The following KIF3B variants were observed in gnomAD, a reference collection of about 807,000 sequenced individuals.
KIF3B encodes kinesin family member 3B, also known as kinesin-like protein KIF3B.
Under a neutral mutation model 74.3 loss-of-function variants are expected in KIF3B, and 38 were observed. The ratio of observed to expected loss-of-function variants is 0.51; its 90% CI spans 0.39 to 0.67. The LOEUF (loss-of-function observed/expected upper bound fraction) is 0.67. KIF3B is among the 30% of genes least tolerant of loss of function. The pLI, the probability that KIF3B is intolerant of heterozygous loss-of-function variation, is 0.00. For synonymous variants in KIF3B, 326 were observed against 342.5 expected (o/e 0.95, Z 0.53); for missense variants, 649 against 932.0 (o/e 0.70, Z 3.95).
intron 1 of KIF3B, among the ~76,000 whole-genome samples, chr20:32,285,126 G>GAAAGA (rs2047661795): frequency 6.7e-6 from 1 of 148,806 alleles, no homozygotes; most frequent in African/African-American, 2.5e-5. Context: ...ACAGTGACTT[G>GAAAGA]AAAGAATGTT....
chr20:32,306,760 A>T (rs1177365499), intron 1 of KIF3B, among the ~76,000 whole-genome samples: 2 of 151,714 alleles, frequency 1.3e-5, no homozygotes, highest in Non-Finnish European at 2.9e-5. Context: ...ATGCCCAGCT[A>T]ATTTTTGTAT....
At chr20:32,312,383 G>A (rs1237539982) in intron 2 of KIF3B, among the ~76,000 whole-genome samples, 1 of 152,014 alleles carries the variant, frequency 6.6e-6, no homozygotes, top group Non-Finnish European at 1.5e-5. Flanking sequence ...GGGATTACAG[G>A]CGTGAGCCAC....
At chr20:32,291,622 T>A (rs2047691790) in intron 1 of KIF3B, among the ~76,000 whole-genome samples, 1 of 151,634 alleles carries the variant, frequency 6.6e-6, no homozygotes, top group Non-Finnish European at 1.5e-5. Context: ...TATACATTTT[T>A]TTTTTTTTTT....
chr20:32,292,966 A>G (rs1353318257), intron 1 of KIF3B, among the ~76,000 whole-genome samples: 2 of 152,008 alleles, frequency 1.3e-5, no homozygotes, highest in Non-Finnish European at 1.5e-5. Context: ...GATCAAAGAC[A>G]TTTTTTGGCT....
intron 1 of KIF3B, among the ~76,000 whole-genome samples, chr20:32,298,107 CA>C (rs140338606): frequency 0.016 from 1,704 of 105,272 alleles, 33 homozygotes; most frequent in East Asian, 0.094. Flanking sequence ...AACTCCGTCT[CA>C]AAAAAAAAAA....
At chr20:32,325,804 A>G (rs1454545529) in intron 5 of KIF3B, among the ~76,000 whole-genome samples, 1 of 150,878 alleles carries the variant, frequency 6.6e-6, no homozygotes, top group African/African-American at 2.4e-5. Flanking sequence ...AGTAGCTGGG[A>G]TTATAGGTGC....
chr20:32,322,792 A>T (rs1456904785), intron 5 of KIF3B, among the ~76,000 whole-genome samples: 2 of 60,744 alleles, frequency 3.3e-5, no homozygotes, highest in African/African-American at 1.7e-4. Flanking sequence ...ATATATATTT[A>T]TATATATATT....
rs1222690626 is a variant in KIF3B at position 32,277,731 on chromosome 20, C to CCGA, written c.-98_-97insACG. On this transcript the variant is annotated 5_prime_UTR_variant, in exon 1 of 9. Transcript: ENST00000375712. The stretch of plus-strand genomic sequence containing the variant: ...CCCGCCGCCGCCGCCGCCGCCGCCG[C>CCGA]CGCCGCCGCCGCCCGCTTTCGGCTC... 1 of 267,396 alleles carries CCGA rather than the reference C, an allele frequency of 3.7e-6. No homozygotes were observed. The highest frequency in any genetic ancestry group is 6.8e-6 in the Non-Finnish European group (1 of 147,710). 16.6% of individuals were successfully genotyped at this position (267,396 alleles called of 1,614,324 possible).
chr20:32,322,316 A>G (rs1218002330), intron 5 of KIF3B, among the ~76,000 whole-genome samples: 2 of 151,726 alleles, frequency 1.3e-5, no homozygotes, highest in Non-Finnish European at 2.9e-5. Context: ...TTACTAGTAT[A>G]TAAAAATACT....
At chr20:32,314,557 G>T (rs1402272530) in intron 2 of KIF3B, among the ~76,000 whole-genome samples, 1 of 151,640 alleles carries the variant, frequency 6.6e-6, no homozygotes, top group African/African-American at 2.4e-5. Context: ...AAAAAAGAAT[G>T]TTAGAGTGGT....
In KIF3B at chr20:32,327,646, A is replaced by T. The variant is rs1173094840; in HGVS notation, c.1953A>T (p.Pro651=). 6.2e-7 allele frequency: 1 copy of T among 1,613,140 alleles called. No homozygotes were observed. The highest frequency in any genetic ancestry group is 8.5e-7 in the Non-Finnish European group (1 of 1,179,506). The change falls in exon 7 of 9, where the codon CCA becomes CCT. Residue 651 remains proline, a synonymous_variant. Coordinates refer to ENST00000375712, the MANE Select transcript of KIF3B (RefSeq NM_004798.4). ...QHARMSMMIR[P]EARYRAENIV... is the part of the protein sequence containing the mutation. The stretch of plus-strand genomic sequence containing the variant: ...CAAGAATGTCCATGATGATTCGTCC[A>T]GAGGCCCGATATAGGGTGAGAAGAT...
intron 1 of KIF3B, among the ~76,000 whole-genome samples, chr20:32,301,085 C>CTTT (rs950388063): frequency 0.013 from 1,166 of 90,172 alleles, 9 homozygotes; most frequent in East Asian, 0.025. Context: ...GCTTCATGGT[C>CTTT]TTTTTTTTTT....
intron 1 of KIF3B, among the ~76,000 whole-genome samples, chr20:32,288,116 T>A (rs1394514968): frequency 6.6e-6 from 1 of 151,872 alleles, no homozygotes; most frequent in Middle Eastern, 3.4e-3. Context: ...CCCCTGACCT[T>A]GAGATCTGCC....
chr20:32,306,674 A>G (rs1197136585), intron 1 of KIF3B, among the ~76,000 whole-genome samples: 2 of 138,634 alleles, frequency 1.4e-5, no homozygotes, highest in African/African-American at 5.3e-5. Flanking sequence ...ACTGCAATGC[A>G]ACCGCCACCT....
chr20:32,300,575 G>A (rs1260122357), intron 1 of KIF3B, among the ~76,000 whole-genome samples: 2 of 151,736 alleles, frequency 1.3e-5, no homozygotes, highest in East Asian at 1.9e-4. Flanking sequence ...CGCCGCACCC[G>A]CTGATTTTTA....
intron 1 of KIF3B, among the ~76,000 whole-genome samples, chr20:32,292,112 A>T (rs897561387): frequency 1.3e-5 from 2 of 150,040 alleles, no homozygotes; most frequent in Non-Finnish European, 3.0e-5. Flanking sequence ...ATTTTTAAAA[A>T]TTTTTTTGTA....
Position 32,299,403 on chromosome 20 carries a change from A to ATT in KIF3B, c.-65-10286_-65-10285dup, listed in dbSNP as rs11473044. Among the ~76,000 whole-genome samples the ATT allele has an allele frequency of 1.9e-3, 17 of 9,026 alleles. 1 individual carries two copies. The highest frequency in any genetic ancestry group is 3.7e-3 in the African/African-American group (6 of 1,636). The allele number at this position is 9,026 out of a possible 152,430, so 5.9% of individuals were successfully genotyped here. On this transcript the variant is annotated intron_variant, in intron 1 of 8. Coordinates refer to ENST00000375712, the MANE Select transcript of KIF3B (RefSeq NM_004798.4). ...TGTATATATATATATATATATATAT[A>ATT]TTTTTTTTTTTTTTTTTTTTTTTTT...
At chr20:32,316,918 G>C (rs1467919487) in intron 5 of KIF3B, 44 bp downstream of exon 5, 1 of 1,348,964 alleles carries the variant, frequency 7.4e-7, no homozygotes, top group Middle Eastern at 2.1e-4. Flanking sequence ...CACTTGCTGA[G>C]TCATTGATCT....
At chr20:32,330,363 A>G (rs560242434) in intron 8 of KIF3B, 44 bp downstream of exon 8, 2 of 1,555,532 alleles carry the variant, frequency 1.3e-6, no homozygotes, top group African/African-American at 1.4e-5. Context: ...ACATGTTTGA[A>G]CAAGGACAAA....
Sources: gnomAD v4.1 joint callset for allele counts (sites outside exome capture counted in the v4.1 genomes callset) on GRCh38, gnomAD v4.1.1 for gene constraint, MANE v1.5 for transcripts, NCBI Gene and HGNC (gene_info 2026-07-23, HGNC 2026-07-21) for gene names.